The following HMGB1 variants were observed in gnomAD, a reference collection of about 807,000 sequenced individuals.
HMGB1 encodes the protein high mobility group protein B1.
For missense variants in HMGB1, 79 were observed against 253.5 expected (o/e 0.31, Z 4.67); for synonymous variants, 81 against 84.0 (o/e 0.96, Z 0.19).
At chr13:30,494,133 A>G (rs1335170922) in intron 1 of HMGB1, among the ~76,000 whole-genome samples, 1 of 152,136 alleles carries the variant, frequency 6.6e-6, no homozygotes, top group Non-Finnish European at 1.5e-5. Flanking sequence ...CATTTCTCCA[A>G]CTGAGCTCCT....
At chr13:30,531,098 G>A (rs1356931264) in intron 1 of HMGB1, among the ~76,000 whole-genome samples, 1 of 152,156 alleles carries the variant, frequency 6.6e-6, no homozygotes, top group Admixed American at 6.5e-5. Flanking sequence ...CACAGAAGCT[G>A]TGAAGACCAT....
chr13:30,543,162 T>C (rs2137504284), intron 1 of HMGB1: 1 of 147,474 alleles, frequency 6.8e-6, no homozygotes, highest in East Asian at 2.0e-4. Flanking sequence ...AGGCTCACTC[T>C]GTTGCCCAGG....
At chr13:30,506,851 G>T (rs1887880473) in intron 1 of HMGB1, among the ~76,000 whole-genome samples, 1 of 152,148 alleles carries the variant, frequency 6.6e-6, no homozygotes, top group Non-Finnish European at 1.5e-5. Context: ...TCTCCCAGTG[G>T]CAGAGGCTGT....
chr13:30,584,378 C>T (rs910788067), intron 1 of HMGB1, among the ~76,000 whole-genome samples: 2 of 152,158 alleles, frequency 1.3e-5, no homozygotes, highest in African/African-American at 4.8e-5. Context: ...GACAACTTAG[C>T]GAAAGTATTT....
chr13:30,609,955 T>C (rs1419493453), intron 1 of HMGB1, among the ~76,000 whole-genome samples: 1 of 152,216 alleles, frequency 6.6e-6, no homozygotes, highest in Non-Finnish European at 1.5e-5. Context: ...TATTCCACGA[T>C]GTACATAAAC....
At chr13:30,531,674 C>T (rs1272687913) in intron 1 of HMGB1, among the ~76,000 whole-genome samples, 1 of 151,584 alleles carries the variant, frequency 6.6e-6, no homozygotes, top group Non-Finnish European at 1.5e-5. Flanking sequence ...CCGAGGTGGG[C>T]GGATCACCTG....
chr13:30,507,240 C>T (rs944248461), intron 1 of HMGB1, among the ~76,000 whole-genome samples: 3 of 152,212 alleles, frequency 2.0e-5, no homozygotes, highest in African/African-American at 7.2e-5. Context: ...TGGCCACTTC[C>T]TGCTCATCCC....
intron 1 of HMGB1, among the ~76,000 whole-genome samples, chr13:30,595,113 C>A (rs1566035638): frequency 1.4e-5 from 2 of 141,944 alleles, no homozygotes; most frequent in East Asian, 3.9e-4. Flanking sequence ...ATTACCACCC[C>A]CTTCAACAGT....
chr13:30,577,489 T>C (rs757020717), intron 1 of HMGB1, among the ~76,000 whole-genome samples: 2 of 152,178 alleles, frequency 1.3e-5, no homozygotes, highest in Non-Finnish European at 2.9e-5. Context: ...TATTTTGCTG[T>C]GGCAGCCCAA....
intron 1 of HMGB1, among the ~76,000 whole-genome samples, chr13:30,536,215 T>C (rs1868428333): frequency 2.0e-5 from 3 of 152,228 alleles, no homozygotes; most frequent in Admixed American, 2.0e-4. Flanking sequence ...CATAGTGTTT[T>C]TAAAATTATC....
chr13:30,497,070 T>C (rs2137447794), intron 1 of HMGB1, among the ~76,000 whole-genome samples: 1 of 152,290 alleles, frequency 6.6e-6, no homozygotes, highest in Non-Finnish European at 1.5e-5. Flanking sequence ...CTCAGTCATC[T>C]CATTTTCCAA....
chr13:30,477,281 G>C (rs1014105507), intron 1 of HMGB1, among the ~76,000 whole-genome samples: 1 of 144,448 alleles, frequency 6.9e-6, no homozygotes, highest in Admixed American at 6.7e-5. Flanking sequence ...GATGGACTCC[G>C]ATTTTTTTTT....
intron 1 of HMGB1, among the ~76,000 whole-genome samples, chr13:30,552,487 T>G (rs577458492): frequency 9.9e-5 from 15 of 152,278 alleles, no homozygotes; most frequent in African/African-American, 3.6e-4. Flanking sequence ...GAAAATGACC[T>G]CCCTTCTCCC....
At chr13:30,602,683 T>C (rs1950414875) in intron 1 of HMGB1, among the ~76,000 whole-genome samples, 1 of 144,216 alleles carries the variant, frequency 6.9e-6, no homozygotes, top group African/African-American at 2.4e-5. Context: ...TAATCACTGA[T>C]GTTTTAGAAC....
chr13:30,598,755 A>G (rs1376980749), intron 1 of HMGB1, among the ~76,000 whole-genome samples: 3 of 152,198 alleles, frequency 2.0e-5, no homozygotes, highest in African/African-American at 2.4e-5. Context: ...AAAATGGTCT[A>G]TTTCAAATGC....
rs549952139 is a variant in HMGB1, at chr13:30,509,529, C to T, written c.-14-45835G>A. Among the ~76,000 whole-genome samples the T allele has an allele frequency of 2.2e-4, 34 of 152,238 alleles. 1 individual carries two copies. Among genetic ancestry groups the T allele is most frequent in the Middle Eastern group, 3.4e-3 (1 of 294 alleles). ...TTGGGATTACAGATGTGAGCCACCA[C>T]GCCTGGCCGTGCCCCAATATTCTTA... On this transcript the variant is annotated intron_variant, in intron 1 of 4. Coordinates refer to the HMGB1 transcript ENST00000405805.
chr13:30,489,054 A>C (rs9315013), intron 1 of HMGB1, among the ~76,000 whole-genome samples: 140,990 of 152,214 alleles, frequency 0.93, 66,281 homozygotes, highest in East Asian at 1. Flanking sequence ...TTTTTCCTTT[A>C]TGTTGATTGC....
At chr13:30,538,725 T>TTTCTTTC (rs760459907) in intron 1 of HMGB1, among the ~76,000 whole-genome samples, 3 of 124,506 alleles carry the variant, frequency 2.4e-5, no homozygotes, top group African/African-American at 6.2e-5. Context: ...CTTCTTTTTC[T>TTTCTTTC]TTCTTTTTCT....
chr13:30,550,999 G>T (rs528837831), intron 1 of HMGB1, among the ~76,000 whole-genome samples: 8 of 152,288 alleles, frequency 5.3e-5, no homozygotes, highest in Middle Eastern at 3.4e-3. Context: ...CAGCCCAACA[G>T]GTGTTAGGAG....
Sources: allele counts gnomAD v4.1 joint callset (sites outside exome capture counted in the v4.1 genomes callset), GRCh38; gene constraint gnomAD v4.1.1; transcripts MANE v1.5; gene names NCBI Gene and HGNC (gene_info 2026-07-23, HGNC 2026-07-21).